The following MICU3 variants were observed in gnomAD, a reference collection of about 807,000 sequenced individuals.
The protein encoded by MICU3 is calcium uptake protein 3, mitochondrial.
In MICU3, 62 loss-of-function variants were observed where a neutral mutation model predicts 66.5. The observed-to-expected ratio is 0.93, with a 90% confidence interval of 0.76 to 1.15. The LOEUF is 1.15. MICU3 is among the 50% of genes most tolerant of loss of function. MICU3 has a pLI of 0.00. For synonymous variants in MICU3, 308 were observed against 240.7 expected, an observed-to-expected ratio of 1.28 and a Z score of -2.59; for missense variants, 779 against 664.4, an observed-to-expected ratio of 1.17 and a Z score of -1.90.
At position 17,077,854 on chromosome 8, in the gene MICU3, A is replaced by AG; in HGVS notation, c.640dup (p.Glu214GlyfsTer32). ...CATCGAAGCTATTTCGAAATCTTAAAGAAAAAGGTGAGTTAACCTTAGTAC... is the reference window on the plus strand; with the variant it reads ...CATCGAAGCTATTTCGAAATCTTAAAGGAAAAAGGTGAGTTAACCTTAGTAC... On this transcript the variant is annotated frameshift_variant, in exon 4 of 15. Coordinates refer to ENST00000318063, the MANE Select transcript of MICU3 (RefSeq NM_181723.3). LOFTEE classifies it high-confidence loss of function. The AG allele has an allele frequency of 3.1e-6, 5 of 1,608,094 alleles. No homozygotes were observed. Among genetic ancestry groups the AG allele is most frequent in the Non-Finnish European group, 4.3e-6 (5 of 1,175,230 alleles).
intron 1 of MICU3, among the ~76,000 whole-genome samples, chr8:17,028,648 C>T (rs575641151): frequency 6.6e-6 from 1 of 152,252 alleles, no homozygotes; most frequent in Admixed American, 6.5e-5. Flanking sequence ...TGCATCATTT[C>T]CTTTGGTGGA....
intron 11 of MICU3, among the ~76,000 whole-genome samples, chr8:17,110,863 C>T (rs1802141557): frequency 6.6e-6 from 1 of 152,072 alleles, no homozygotes; most frequent in Non-Finnish European, 1.5e-5. Context: ...AGGGGTGAGT[C>T]ACCATACCTG....
the MICU3 span, chr8:17,131,646 G>A: frequency 6.6e-6 from 1 of 152,464 alleles, no homozygotes; most frequent in Non-Finnish European, 1.5e-5. Flanking sequence ...GAACACTTGA[G>A]AAAATTGCAG....
chr8:17,063,146 G>A (rs557351607), intron 1 of MICU3, among the ~76,000 whole-genome samples: 8 of 152,100 alleles, frequency 5.3e-5, no homozygotes, highest in African/African-American at 1.9e-4. Context: ...GATATATATG[G>A]TATAATCCCA....
At chr8:17,083,687 G>T (rs926222997) in intron 5 of MICU3, among the ~76,000 whole-genome samples, 6 of 152,040 alleles carry the variant, frequency 3.9e-5, no homozygotes, top group African/African-American at 1.5e-4. Flanking sequence ...TGTACCTTTT[G>T]TAATAGGGCT....
chr8:17,129,779 T>C, the MICU3 span, among the ~76,000 whole-genome samples: 1 of 152,164 alleles, frequency 6.6e-6, no homozygotes, highest in African/African-American at 2.4e-5. Flanking sequence ...TGAAGAAATG[T>C]GTAAGAGTTT....
At position 17,082,610 on chromosome 8, in the gene MICU3, T is replaced by C. The variant is rs182289088; in HGVS notation, c.694+870T>C. ...ATCAAGAACAGTGTCTCGCACATGG[T>C]ACCCTTCCAAAAAGTAGTTAGTGAA... On this transcript the variant is annotated intron_variant, in intron 5 of 14. Coordinates refer to ENST00000318063, the MANE Select transcript of MICU3 (RefSeq NM_181723.3). Among the ~76,000 whole-genome samples, 336 of 152,266 alleles carry C rather than the reference T, an allele frequency of 2.2e-3. 2 individuals carry two copies. Among genetic ancestry groups the C allele is most frequent in the African/African-American group, 7.5e-3 (310 of 41,552 alleles).
chr8:17,111,896 C>G (rs927519442), intron 11 of MICU3, among the ~76,000 whole-genome samples: 4 of 152,104 alleles, frequency 2.6e-5, no homozygotes, highest in South Asian at 2.1e-4. Context: ...TTCTACATGG[C>G]TGGGGAGGCC....
chr8:17,036,201 C>T (rs1812950810), intron 1 of MICU3, among the ~76,000 whole-genome samples: 1 of 152,052 alleles, frequency 6.6e-6, no homozygotes, highest in Non-Finnish European at 1.5e-5. Flanking sequence ...AGTGTTACAG[C>T]TCTTAGGGTA....
intron 1 of MICU3, among the ~76,000 whole-genome samples, chr8:17,061,312 G>T (rs1484101139): frequency 6.6e-6 from 1 of 152,092 alleles, no homozygotes; most frequent in Admixed American, 6.5e-5. Context: ...TGGTAAGCTG[G>T]GGGATTGATA....
At chr8:17,080,317 C>T (rs547079243) in intron 4 of MICU3, among the ~76,000 whole-genome samples, 50 of 152,170 alleles carry the variant, frequency 3.3e-4, no homozygotes, top group African/African-American at 1.1e-3. Context: ...CAAACGCCTA[C>T]CATGATATTC....
At chr8:17,058,605 A>G (rs1450562113) in intron 1 of MICU3, among the ~76,000 whole-genome samples, 1 of 152,084 alleles carries the variant, frequency 6.6e-6, no homozygotes, top group African/African-American at 2.4e-5. Context: ...TAAACTTTGG[A>G]AAGTTCAGAA....
intron 1 of MICU3, among the ~76,000 whole-genome samples, chr8:17,031,475 G>T (rs1585142996): frequency 6.6e-6 from 1 of 151,536 alleles, no homozygotes; most frequent in Non-Finnish European, 1.5e-5. Context: ...TTTTAGTAGA[G>T]ACAGGGTTTC....
At chr8:17,130,384 G>A in the MICU3 span, among the ~76,000 whole-genome samples, 13 of 151,958 alleles carry the variant, frequency 8.6e-5, no homozygotes, top group African/African-American at 1.9e-4. Flanking sequence ...TTAGCCGGGC[G>A]TGGTGGCGCA....
chr8:17,066,678 G>T (rs1468860098), intron 2 of MICU3, among the ~76,000 whole-genome samples: 4 of 151,020 alleles, frequency 2.6e-5, no homozygotes, highest in Non-Finnish European at 5.9e-5. Flanking sequence ...AAGTAGCTGG[G>T]ACTACAGGCA....
In MICU3 at chr8:17,090,595, T is replaced by A. The variant is rs774819970; in HGVS notation, c.888+11T>A. 2 of 1,595,130 alleles carry A rather than the reference T, an allele frequency of 1.3e-6. No homozygotes were observed. The highest frequency in any genetic ancestry group is 4.5e-5 in the East Asian group (2 of 44,556). On this transcript the variant is annotated intron_variant, in intron 8 of 14. Coordinates refer to ENST00000318063, the MANE Select transcript of MICU3 (RefSeq NM_181723.3). ...TCTCCTACTAATAGTGTATGTACAA[T>A]ACTTTAAATGTTCTTTATGTATATA...
the MICU3 span, among the ~76,000 whole-genome samples, chr8:17,128,568 C>G: frequency 6.6e-6 from 1 of 152,164 alleles, no homozygotes; most frequent in African/African-American, 2.4e-5. Flanking sequence ...TTGCTGAAAT[C>G]AAAACCTCCA....
intron 1 of MICU3, among the ~76,000 whole-genome samples, chr8:17,046,970 C>G (rs1815202706): frequency 6.6e-6 from 1 of 152,102 alleles, no homozygotes; most frequent in Admixed American, 6.5e-5. Flanking sequence ...GCCCTTAACA[C>G]TGGCCATATG....
chr8:17,113,398 T>C (rs1802385249), intron 11 of MICU3, among the ~76,000 whole-genome samples: 1 of 152,226 alleles, frequency 6.6e-6, no homozygotes, highest in Non-Finnish European at 1.5e-5. Flanking sequence ...CTTTCCCTAT[T>C]CAACTGAAGT....
Sources: allele counts gnomAD v4.1 joint callset (sites outside exome capture counted in the v4.1 genomes callset), GRCh38; gene constraint gnomAD v4.1.1; transcripts MANE v1.5; gene names NCBI Gene and HGNC (gene_info 2026-07-23, HGNC 2026-07-21).